AGBL1: variants seen among roughly 807,000 people sequenced by gnomAD.
The protein encoded by AGBL1 is cytosolic carboxypeptidase 4.
In AGBL1, 130 loss-of-function variants were observed where a neutral mutation model predicts 118.9. The ratio of observed to expected loss-of-function variants is 1.09; its 90% CI spans 0.95 to 1.26. AGBL1 has a LOEUF of 1.26. AGBL1 is among the 50% of genes most tolerant of loss of function. AGBL1 has a pLI of 0.00. For missense variants in AGBL1, 1,584 were observed against 1,298.1 expected (o/e 1.22, Z -3.38); for synonymous variants, 555 against 478.9 (o/e 1.16, Z -2.08).
chr15:86,991,211 T>C (rs989433116), intron 24 of AGBL1, among the ~76,000 whole-genome samples: 1 of 152,100 alleles, frequency 6.6e-6, no homozygotes, highest in Non-Finnish European at 1.5e-5. Flanking sequence ...GATACAAAAG[T>C]CTTTTTCTTT....
At chr15:86,599,123 G>A (rs1004839227) in intron 21 of AGBL1, among the ~76,000 whole-genome samples, 3 of 152,096 alleles carry the variant, frequency 2.0e-5, no homozygotes, top group South Asian at 2.1e-4. Context: ...GTTTCACACC[G>A]AGCTGACTTT....
intron 22 of AGBL1, among the ~76,000 whole-genome samples, chr15:86,831,738 G>C (rs2079107157): frequency 6.6e-6 from 1 of 152,176 alleles, no homozygotes; most frequent in Non-Finnish European, 1.5e-5. Flanking sequence ...GGTACAAGCT[G>C]TCAATGGATC....
intron 1 of AGBL1, among the ~76,000 whole-genome samples, chr15:86,110,771 T>C (rs1897330365): frequency 6.6e-6 from 1 of 152,116 alleles, no homozygotes; most frequent in African/African-American, 2.4e-5. Flanking sequence ...CCCACAACAA[T>C]GGTTGATTCG....
Position 86,343,286 on chromosome 15 carries a change from T to C in AGBL1, c.2374+47878T>C, listed in dbSNP as rs1311818183. On this transcript the variant is annotated intron_variant, in intron 17 of 22. Transcript: ENST00000614907. ...AGGAAGAGTGACAGCATGGTTTTTA[T>C]TCTCCCAGCTTCCTCCTTGGCTATG... 2.0e-5 allele frequency among the ~76,000 whole-genome samples: 3 copies of C among 152,258 alleles called. No homozygotes were observed. In the East Asian group the frequency reaches 5.8e-4, roughly 29 times the overall value.
chr15:86,664,629 C>G (rs2085610275), intron 21 of AGBL1, among the ~76,000 whole-genome samples: 1 of 152,088 alleles, frequency 6.6e-6, no homozygotes, highest in South Asian at 2.1e-4. Context: ...CAAGTAGACA[C>G]AAGCCTAGTG....
At chr15:86,565,655 T>A (rs2083902098) in intron 21 of AGBL1, among the ~76,000 whole-genome samples, 1 of 152,236 alleles carries the variant, frequency 6.6e-6, no homozygotes, top group African/African-American at 2.4e-5. Context: ...CTGTCTTCAA[T>A]GCTGTCAGAC....
At chr15:86,932,575 C>T (rs1331919227) in intron 23 of AGBL1, among the ~76,000 whole-genome samples, 1 of 152,162 alleles carries the variant, frequency 6.6e-6, no homozygotes, top group African/African-American at 2.4e-5. Context: ...TAAATCAAAT[C>T]ACCAGTCTTC....
chr15:86,125,342 C>T (rs1898354000), intron 1 of AGBL1, among the ~76,000 whole-genome samples: 3 of 152,064 alleles, frequency 2.0e-5, no homozygotes, highest in Admixed American at 6.5e-5. Flanking sequence ...CTAGACTTTC[C>T]CTTTCTCTCA....
chr15:86,697,944 G>C (rs971776699), intron 22 of AGBL1, among the ~76,000 whole-genome samples: 3 of 151,912 alleles, frequency 2.0e-5, no homozygotes, highest in African/African-American at 7.2e-5. Context: ...TGTCTCCCAG[G>C]TCCTGCAACA....
chr15:86,707,805 A>T (rs2086479501), intron 22 of AGBL1, among the ~76,000 whole-genome samples: 1 of 152,170 alleles, frequency 6.6e-6, no homozygotes, highest in Admixed American at 6.6e-5. Context: ...TAGAAGTAGA[A>T]GCTGAACTTC....
intron 22 of AGBL1, among the ~76,000 whole-genome samples, chr15:86,805,591 G>C (rs1388640283): frequency 6.6e-6 from 1 of 152,158 alleles, no homozygotes; most frequent in Admixed American, 6.6e-5. Flanking sequence ...TGTTTGGAAT[G>C]ATTTTTAGCT....
At chr15:86,317,829 A>G (rs2080039728) in intron 17 of AGBL1, among the ~76,000 whole-genome samples, 1 of 152,254 alleles carries the variant, frequency 6.6e-6, no homozygotes. Context: ...TTTATTTATA[A>G]AATAGGAATG....
At chr15:86,797,337 G>T (rs1042010944) in intron 22 of AGBL1, among the ~76,000 whole-genome samples, 2 of 152,182 alleles carry the variant, frequency 1.3e-5, no homozygotes, top group Non-Finnish European at 2.9e-5. Context: ...AGTGATAAGT[G>T]ACCCACAGGA....
chr15:86,868,461 A>G (rs1056050735), intron 22 of AGBL1, among the ~76,000 whole-genome samples: 3 of 152,252 alleles, frequency 2.0e-5, no homozygotes, highest in African/African-American at 7.2e-5. Flanking sequence ...AGGTTTAGTG[A>G]CTAGAAATCA....
chr15:86,764,784 T>C (rs1251404936), intron 22 of AGBL1, among the ~76,000 whole-genome samples: 1 of 152,050 alleles, frequency 6.6e-6, no homozygotes, highest in East Asian at 1.9e-4. Flanking sequence ...TTTTTAAACA[T>C]CTTGGGCGTG....
chr15:86,765,576 C>G (rs2078086208), intron 22 of AGBL1, among the ~76,000 whole-genome samples: 1 of 151,894 alleles, frequency 6.6e-6, no homozygotes, highest in South Asian at 2.1e-4. Flanking sequence ...ATGGTAGGGA[C>G]AGCATTTACG....
intron 22 of AGBL1, among the ~76,000 whole-genome samples, chr15:86,784,402 C>A (rs2141315795): frequency 6.6e-6 from 1 of 152,114 alleles, no homozygotes; most frequent in East Asian, 1.9e-4. Flanking sequence ...TTTCAGCTTG[C>A]CAGAGCATAT....
At chr15:86,823,076 A>G (rs1319409519) in intron 22 of AGBL1, among the ~76,000 whole-genome samples, 3 of 152,142 alleles carry the variant, frequency 2.0e-5, no homozygotes, top group African/African-American at 7.2e-5. Flanking sequence ...ATAGAAAATG[A>G]TAGGCTCAGG....
chr15:86,498,698 A>G (rs914217254), intron 18 of AGBL1, among the ~76,000 whole-genome samples: 6 of 151,956 alleles, frequency 3.9e-5, no homozygotes, highest in African/African-American at 1.4e-4. Flanking sequence ...GAGAATAGCA[A>G]GGCCTATTTA....
Sources: allele counts gnomAD v4.1 joint callset (sites outside exome capture counted in the v4.1 genomes callset), GRCh38; gene constraint gnomAD v4.1.1; transcripts MANE v1.5; gene names NCBI Gene and HGNC (gene_info 2026-07-23, HGNC 2026-07-21).